CNTN4: variants seen among roughly 807,000 people sequenced by gnomAD.
CNTN4 encodes contactin-4.
In CNTN4, 77 loss-of-function variants were observed where a neutral mutation model predicts 122.5. The ratio of observed to expected loss-of-function variants is 0.63; its 90% CI spans 0.52 to 0.76. The LOEUF (loss-of-function observed/expected upper bound fraction) is 0.76. Among genes scored for constraint, CNTN4 ranks in the 30% least tolerant of loss-of-function variants. The pLI, the probability that CNTN4 is intolerant of heterozygous loss-of-function variation, is 0.00. For synonymous variants in CNTN4, 512 were observed against 447.0 expected (o/e 1.15, Z -1.83); for missense variants, 1,256 against 1,259.1 (o/e 1.00, Z 0.04).
rs748588455 is a variant in CNTN4, at chr3:3,056,210, C to T, written c.3071C>T (p.Ser1024Phe). 19 of 1,613,360 alleles carry T rather than the reference C, an allele frequency of 1.2e-5. No individual in the cohort carries two copies. In the South Asian group the frequency reaches 2.1e-4, roughly 18 times the overall value. The change falls in exon 25 of 25, where the codon TCC (serine) becomes TTC (phenylalanine). Residue 1024 changes from serine to phenylalanine, a missense_variant. Ser to Phe is a radical substitution (Grantham distance 155, BLOSUM62 -2). Transcript: ENST00000418658. The part of the protein sequence containing the change: ...STIMISLTAR[S>F]SL ...ATAATGATTTCCCTCACAGCTAGGT[C>T]CAGTTTATGACAAAAGTTATCTGAA... is the stretch of plus-strand genomic sequence containing the variant.
chr3:2,579,357 T>A (rs904952946), intron 4 of CNTN4, among the ~76,000 whole-genome samples: 1 of 152,212 alleles, frequency 6.6e-6, no homozygotes, highest in Non-Finnish European at 1.5e-5. Flanking sequence ...TGATGCTGCC[T>A]CAAAGCTTGA....
At position 2,545,630 on chromosome 3, in the gene CNTN4, T is replaced by TTA. The variant is rs537246600; in HGVS notation, c.-88-25786_-88-25785insTA. Among the ~76,000 whole-genome samples, 9 of 151,800 alleles carry TTA rather than the reference T, an allele frequency of 5.9e-5. No individual in the cohort carries two copies. In the East Asian group the frequency reaches 1.7e-3, roughly 29 times the overall value. On this transcript the variant is annotated intron_variant, in intron 3 of 24. Transcript: ENST00000418658. ...GTTATGTAATGCCTTTTTTTTTTTT[T>TTA]ATCCTTTTCATCTTTGCTGGTATAA...
At chr3:2,350,655 TA>T (rs1451947539) in intron 3 of CNTN4, among the ~76,000 whole-genome samples, 1 of 152,230 alleles carries the variant, frequency 6.6e-6, no homozygotes, top group East Asian at 1.9e-4. Flanking sequence ...AAATACCTTG[TA>T]ATGTCTCTTC....
chr3:2,828,710 C>A (rs991484370), intron 7 of CNTN4, among the ~76,000 whole-genome samples: 1 of 152,064 alleles, frequency 6.6e-6, no homozygotes, highest in South Asian at 2.1e-4. Context: ...CTACTAGATA[C>A]CTTTTTTAAA....
intron 4 of CNTN4, among the ~76,000 whole-genome samples, chr3:2,670,651 T>A (rs2084452684): frequency 6.6e-6 from 1 of 152,192 alleles, no homozygotes. Context: ...GTTAGCTGGT[T>A]AGTTTGCTCA....
At chr3:2,984,727 T>C (rs912022778) in intron 13 of CNTN4, among the ~76,000 whole-genome samples, 2 of 152,198 alleles carry the variant, frequency 1.3e-5, no homozygotes, top group African/African-American at 2.4e-5. Context: ...TTTTTAATGG[T>C]ATAAGTTATT....
chr3:2,152,158 T>C (rs553398102), intron 2 of CNTN4, among the ~76,000 whole-genome samples: 2 of 152,076 alleles, frequency 1.3e-5, no homozygotes, highest in African/African-American at 4.8e-5. Flanking sequence ...GTTTGTCAGA[T>C]GGGTATGTGG....
chr3:2,337,104 A>G (rs2043984735), intron 2 of CNTN4, among the ~76,000 whole-genome samples: 1 of 152,104 alleles, frequency 6.6e-6, no homozygotes, highest in African/African-American at 2.4e-5. Context: ...TCAGTCCCAT[A>G]TATTCCCCCT....
chr3:3,001,080 T>C (rs138255876), intron 14 of CNTN4, among the ~76,000 whole-genome samples: 209 of 152,262 alleles, frequency 1.4e-3, no homozygotes, highest in Non-Finnish European at 2.4e-3. Context: ...CCTTGTTCAG[T>C]GCCTGAGTTT....
chr3:2,287,339 C>T (rs145875549), intron 2 of CNTN4, among the ~76,000 whole-genome samples: 6 of 152,070 alleles, frequency 3.9e-5, no homozygotes, highest in East Asian at 1.9e-4. Flanking sequence ...CAGTGGTGCA[C>T]GCCTGTTATC....
intron 8 of CNTN4, among the ~76,000 whole-genome samples, chr3:2,881,239 G>GC (rs1326606093): frequency 5.9e-5 from 9 of 152,112 alleles, no homozygotes; most frequent in African/African-American, 2.2e-4. Flanking sequence ...TCGGTGGGGT[G>GC]CGGTGGCTCA....
At chr3:2,854,152 C>G (rs1191991436) in intron 7 of CNTN4, among the ~76,000 whole-genome samples, 1 of 151,868 alleles carries the variant, frequency 6.6e-6, no homozygotes, top group Admixed American at 6.6e-5. Flanking sequence ...CTTTACAGAC[C>G]AACAGACCGA....
At chr3:2,764,625 A>G (rs903351069) in intron 6 of CNTN4, among the ~76,000 whole-genome samples, 1 of 152,200 alleles carries the variant, frequency 6.6e-6, no homozygotes, top group African/African-American at 2.4e-5. Context: ...TAAGATTAGG[A>G]AAATTCTCAT....
At chr3:2,781,690 G>T (rs983176096) in intron 6 of CNTN4, among the ~76,000 whole-genome samples, 1 of 150,742 alleles carries the variant, frequency 6.6e-6, no homozygotes, top group Non-Finnish European at 1.5e-5. Flanking sequence ...GCTCAAAGGT[G>T]GGGGGTGCTT....
intron 7 of CNTN4, among the ~76,000 whole-genome samples, chr3:2,850,278 G>A (rs116725476): frequency 3.3e-5 from 5 of 152,096 alleles, no homozygotes; most frequent in Non-Finnish European, 5.9e-5. Context: ...GTGAGCCTCC[G>A]CGCCTGGCCA....
intron 2 of CNTN4, among the ~76,000 whole-genome samples, chr3:2,242,664 A>C (rs1247880539): frequency 6.6e-6 from 1 of 152,126 alleles, no homozygotes; most frequent in Non-Finnish European, 1.5e-5. Flanking sequence ...TGCTCTATTG[A>C]GTGTATCTAT....
At chr3:2,982,385 A>G (rs915378891) in intron 13 of CNTN4, among the ~76,000 whole-genome samples, 3 of 152,118 alleles carry the variant, frequency 2.0e-5, no homozygotes, top group Non-Finnish European at 4.4e-5. Flanking sequence ...AATTTCTAAC[A>G]TCTTATATTA....
chr3:2,615,356 G>A (rs1476871651), intron 4 of CNTN4, among the ~76,000 whole-genome samples: 1 of 152,146 alleles, frequency 6.6e-6, no homozygotes, highest in Non-Finnish European at 1.5e-5. Flanking sequence ...AACCTTGCAG[G>A]TGTCAGTGAT....
intron 4 of CNTN4, among the ~76,000 whole-genome samples, chr3:2,717,068 A>G (rs561249625): frequency 1.3e-5 from 2 of 152,284 alleles, no homozygotes; most frequent in Non-Finnish European, 2.9e-5. Context: ...TAATACTGCT[A>G]TGAACACTTG....
Sources: allele counts gnomAD v4.1 joint callset (sites outside exome capture counted in the v4.1 genomes callset), GRCh38; gene constraint gnomAD v4.1.1; transcripts MANE v1.5; gene names NCBI Gene and HGNC (gene_info 2026-07-23, HGNC 2026-07-21).